The following MORC2 variants were observed in gnomAD, a reference collection of about 807,000 sequenced individuals.
The protein encoded by MORC2 is MORC family CW-type zinc finger 2.
In MORC2, 30 loss-of-function variants were observed where a neutral mutation model predicts 136.0. The ratio of observed to expected loss-of-function variants is 0.22; its 90% confidence interval spans 0.17 to 0.30. The LOEUF (loss-of-function observed/expected upper bound fraction) is 0.30. Ranked by LOEUF, MORC2 falls within the 10% of genes least tolerant of loss-of-function variation. MORC2 has a pLI of 1.00. For synonymous variants in MORC2, 439 were observed against 487.0 expected (o/e 0.90, Z 1.30); for missense variants, 922 against 1,333.1 (o/e 0.69, Z 4.80).
rs529981163 is a variant in MORC2, at chr22:30,941,677, T to C, written c.699-119A>G. On this transcript the variant is annotated intron_variant, in intron 8 of 25. Transcript: ENST00000397641. The surrounding 1 kb of genome is among the most constrained non-coding windows in gnomAD (Gnocchi z 4.6). ...CATGTTAGGTACTGACTTCTGCTGC[T>C]GCCCTGAACTGGTGCTCCCTTAGTG... The C allele has an allele frequency of 5.0e-6, 7 of 1,391,684 alleles. No homozygotes were observed. The East Asian group carries it at 1.7e-4, about 33-fold the overall frequency. 86.2% of individuals were successfully genotyped at this position (1,391,684 alleles called of 1,614,324 possible).
At chr22:30,933,124 G>A in intron 21 of MORC2, 94 bp from the exon 22 acceptor site, 1 of 1,547,706 alleles carries the variant, frequency 6.5e-7, no homozygotes, top group Non-Finnish European at 8.8e-7. Flanking sequence ...CCAGGGTTTG[G>A]AGGACAGGAA....
chr22:30,950,337 G>GCGGGGGC, intron 4 of MORC2, 40 bp downstream of exon 4: 10 of 761,710 alleles, frequency 1.3e-5, no homozygotes, highest in Admixed American at 2.1e-5. Flanking sequence ...TGGTTACATC[G>GCGGGGGC]CACCCCCCCA....
Position 30,937,078 on chromosome 22 carries a change from C to T in MORC2, c.1499-41G>A, listed in dbSNP as rs781745072. 2.4e-5 allele frequency: 34 copies of T among 1,427,788 alleles called. No individual in the cohort carries two copies. Among genetic ancestry groups the T allele is most frequent in the Admixed American group, 3.4e-5 (2 of 58,540 alleles). 88.4% of individuals were successfully genotyped at this position (1,427,788 alleles called of 1,614,324 possible). A position where few individuals can be genotyped will look rare whatever the true frequency, so the allele number is the denominator to read the frequency against. On this transcript the variant is annotated intron_variant, in intron 15 of 25. Coordinates refer to ENST00000397641, the MANE Select transcript of MORC2 (RefSeq NM_001303256.3). The surrounding 1 kb of genome is among the most constrained non-coding windows in gnomAD (Gnocchi z 4.7). ...AAACCCCACATATCAGCCACGCCCA[C>T]CAACTCTATCTGTAATCCGGGTTCC...
At chr22:30,955,008 G>T (rs1333771153) in intron 3 of MORC2, among the ~76,000 whole-genome samples, 1 of 144,810 alleles carries the variant, frequency 6.9e-6, no homozygotes, top group African/African-American at 2.6e-5. Context: ...GCCCAGGCTG[G>T]AGTGCAATGG....
intron 1 of MORC2, among the ~76,000 whole-genome samples, chr22:30,965,501 G>A (rs762480412): frequency 9.8e-4 from 149 of 152,286 alleles, no homozygotes; most frequent in Non-Finnish European, 1.7e-3. Context: ...TTGGTTTAGG[G>A]TTTATACTGT....
At chr22:30,962,166 C>T (rs954476578) in intron 1 of MORC2, among the ~76,000 whole-genome samples, 4 of 150,284 alleles carry the variant, frequency 2.7e-5, no homozygotes, top group African/African-American at 7.4e-5. Flanking sequence ...TGTGAGATCG[C>T]GCCACTGTAC....
chr22:30,953,961 A>G (rs540718226), intron 3 of MORC2, among the ~76,000 whole-genome samples: 48 of 152,252 alleles, frequency 3.2e-4, no homozygotes, highest in African/African-American at 1.1e-3. Context: ...AGAAGTGGAG[A>G]TAAGAAAATA....
intron 1 of MORC2, among the ~76,000 whole-genome samples, chr22:30,959,837 A>T (rs1394532181): frequency 6.6e-6 from 1 of 152,256 alleles, no homozygotes; most frequent in Non-Finnish European, 1.5e-5. Flanking sequence ...AGCATCTAGG[A>T]TCTCTGATCG....
At position 30,968,174 on chromosome 22, in the gene MORC2, T is replaced by C. The variant is rs961858664; in HGVS notation, c.-285A>G. 10 of 356,520 alleles carry C rather than the reference T, an allele frequency of 2.8e-5. No homozygotes were observed. The highest frequency in any genetic ancestry group is 4.7e-5 in the Non-Finnish European group (9 of 191,910). The allele number at this position is 356,520 out of a possible 1,614,324, so 22.1% of individuals were successfully genotyped here. A position where few individuals can be genotyped will look rare whatever the true frequency, so the allele number is the denominator to read the frequency against. On this transcript the variant is annotated 5_prime_UTR_variant, in exon 1 of 26. Transcript: ENST00000397641. ...AGGAGCTTTTAGCATTAAGTTGCGA[T>C]AGCTCAATTCAGACAATCTGAGTCT...
At chr22:30,965,224 G>A (rs1308992255) in intron 1 of MORC2, among the ~76,000 whole-genome samples, 3 of 152,064 alleles carry the variant, frequency 2.0e-5, no homozygotes, top group East Asian at 1.9e-4. Flanking sequence ...TTCCTAATTC[G>A]CAATACTGTA....
chr22:30,958,637 A>G lies in MORC2; in HGVS notation c.122+4T>C, dbSNP rs1379489326. Reference sequence around the variant, plus strand: ...CACAGATTGTATGCCTGAAGACTACATACCTTGCATTATCAACCAGTTCAG... The same window carrying G: ...CACAGATTGTATGCCTGAAGACTACGTACCTTGCATTATCAACCAGTTCAG... On this transcript the variant is annotated splice_donor_region_variant and intron_variant, in intron 2 of 25. Transcript: ENST00000397641. The G allele has an allele frequency of 1.3e-6, 2 of 1,546,774 alleles. No homozygotes were observed. The highest frequency in any genetic ancestry group is 2.7e-5 in the African/African-American group (2 of 72,918).
intron 1 of MORC2, among the ~76,000 whole-genome samples, chr22:30,959,111 C>T (rs1444529474): frequency 6.6e-6 from 1 of 152,150 alleles, no homozygotes; most frequent in Non-Finnish European, 1.5e-5. Flanking sequence ...AAATATTGAA[C>T]TTTGTTTTTT....
chr22:30,956,106 A>C (rs1012814373), intron 3 of MORC2, among the ~76,000 whole-genome samples: 1 of 152,234 alleles, frequency 6.6e-6, no homozygotes, highest in Non-Finnish European at 1.5e-5. Context: ...CCAGGCAGAA[A>C]GCAAACTATT....
At chr22:30,945,133 C>T (rs1387729149) in intron 6 of MORC2, among the ~76,000 whole-genome samples, 2 of 152,238 alleles carry the variant, frequency 1.3e-5, no homozygotes, top group African/African-American at 4.8e-5. Flanking sequence ...TCCATACCCT[C>T]CTGTCACCAT....
intron 5 of MORC2, among the ~76,000 whole-genome samples, chr22:30,949,354 C>T (rs2040858676): frequency 6.6e-6 from 1 of 152,224 alleles, no homozygotes; most frequent in Non-Finnish European, 1.5e-5. Flanking sequence ...CAAAGCATGA[C>T]ATGCAGCAGG....
At position 30,932,226 on chromosome 22, in the gene MORC2, C is replaced by T; in HGVS notation, c.2841+133G>A. On this transcript the variant is annotated intron_variant, in intron 24 of 25. Transcript: ENST00000397641. The surrounding 1 kb of genome is among the most constrained non-coding windows in gnomAD (Gnocchi z 4.4). The stretch of plus-strand genomic sequence containing the variant: ...CTTCTTTCAGCAGGAGAGAGGCTGG[C>T]TGAGATGGAGCACACAGCTGAGAGC... 1.2e-6 allele frequency: 1 copy of T among 823,256 alleles called. No individual in the cohort carries two copies. The highest frequency in any genetic ancestry group is 1.9e-6 in the Non-Finnish European group (1 of 514,174). 51.0% of individuals were successfully genotyped at this position (823,256 alleles called of 1,614,324 possible). A position where few individuals can be genotyped will look rare whatever the true frequency, so the allele number is the denominator to read the frequency against.
intron 1 of MORC2, chr22:30,963,388 CTTTT>C (rs34402075): frequency 2.9e-6 from 2 of 698,590 alleles, no homozygotes; most frequent in South Asian, 6.4e-5. Context: ...CTGATTATGG[CTTTT>C]TTTTTTTTTG....
rs1477506756 is a variant in MORC2 at position 30,935,035 on chromosome 22, T to C, written c.1939A>G (p.Ile647Val). 1.9e-6 allele frequency: 3 copies of C among 1,613,900 alleles called. No individual in the cohort carries two copies. The highest frequency in any genetic ancestry group is 2.7e-5 in the African/African-American group (2 of 74,846). ...PASQPRKAPV[I>V]SSTPKLPALA... ...GCAGGGAGCTTTGGGGTACTGCTGA[T>C]GACAGGAGCCTTTCGGGGCTGGCTG... is the stretch of plus-strand genomic sequence containing the variant. The change falls in exon 19 of 26, where the codon ATC becomes GTC. Residue 647 changes from isoleucine to valine, a missense_variant. This residue lies in a region of MORC2 where 184 missense variants were observed against 180.3 expected (regional missense o/e 1.02). Coordinates refer to ENST00000397641, the MANE Select transcript of MORC2 (RefSeq NM_001303256.3).
Position 30,944,260 on chromosome 22 carries a change from C to T in MORC2, c.427-1989G>A, listed in dbSNP as rs371693925. 2.3e-4 allele frequency among the ~76,000 whole-genome samples: 35 copies of T among 152,320 alleles called. No individual in the cohort carries two copies. In the South Asian group the frequency reaches 7.0e-3, roughly 31 times the overall value. On this transcript the variant is annotated intron_variant, in intron 6 of 25. Coordinates refer to ENST00000397641, the MANE Select transcript of MORC2 (RefSeq NM_001303256.3). ...CCTCTCCACCACGGGAACCGAGTTC[C>T]ATTTGTGTTCTATAAACCTGTACCT...
Sources: allele counts gnomAD v4.1 joint callset (sites outside exome capture counted in the v4.1 genomes callset), GRCh38; gene constraint gnomAD v4.1.1; regional missense constraint gnomAD v4.1.1; non-coding constraint Gnocchi (gnomAD v3.1); transcripts MANE v1.5; gene names NCBI Gene and HGNC (gene_info 2026-07-23, HGNC 2026-07-21).